The following TLL2 variants were observed in gnomAD, a reference collection of about 807,000 sequenced individuals.
TLL2 encodes the protein tolloid-like protein 2.
A neutral mutation model predicts 123.0 loss-of-function variants in TLL2; 106 were observed. That is an observed-to-expected ratio of 0.86 (90% CI 0.74 to 1.01). TLL2 has a LOEUF of 1.01. Among genes scored for constraint, TLL2 ranks in the 50% least tolerant of loss-of-function variants. The probability of loss-of-function intolerance (pLI) is 0.00; values close to 1 mark genes in which losing one functional copy is unlikely to be tolerated. For synonymous variants in TLL2, 494 were observed against 516.8 expected (o/e 0.96, Z 0.60); for missense variants, 1,332 against 1,336.7 (o/e 1.00, Z 0.06).
chr10:96,370,453 G>T, intron 19 of TLL2, 138 bp from the exon 20 acceptor site: 1 of 1,262,154 alleles, frequency 7.9e-7, no homozygotes, highest in South Asian at 1.9e-5. Flanking sequence ...CCCATTTGAT[G>T]GAGGAGTACA....
intron 10 of TLL2, among the ~76,000 whole-genome samples, chr10:96,398,723 G>A (rs543184888): frequency 4.6e-4 from 70 of 152,104 alleles, no homozygotes; most frequent in Middle Eastern, 3.4e-3. Flanking sequence ...GGCCAGCCAC[G>A]GTCTATTTGG....
At chr10:96,373,898 G>A (rs79016397) in intron 18 of TLL2, 89 bp from the exon 19 acceptor site, 12 of 1,202,784 alleles carry the variant, frequency 1.0e-5, no homozygotes, top group Admixed American at 1.9e-5. Context: ...AGGAAGGGGC[G>A]AGGCAGTGCA....
chr10:96,446,780 T>C (rs974524300), intron 2 of TLL2, among the ~76,000 whole-genome samples: 2 of 152,246 alleles, frequency 1.3e-5, no homozygotes, highest in African/African-American at 4.8e-5. Context: ...CCATCATTTA[T>C]AAACTGTGTT....
intron 18 of TLL2, 122 bp from the exon 19 acceptor site, chr10:96,373,931 C>T: frequency 2.5e-6 from 2 of 804,466 alleles, no homozygotes; most frequent in Non-Finnish European, 4.0e-6. Context: ...GCTGGCTGTG[C>T]AGGGGGTGTG....
intron 1 of TLL2, among the ~76,000 whole-genome samples, chr10:96,485,593 C>A (rs1589434406): frequency 6.6e-6 from 1 of 152,284 alleles, no homozygotes; most frequent in South Asian, 2.1e-4. Flanking sequence ...AATGAAGTAC[C>A]ACTTCACAGC....
chr10:96,480,045 C>T (rs1847296421), intron 2 of TLL2, among the ~76,000 whole-genome samples: 2 of 152,196 alleles, frequency 1.3e-5, no homozygotes, highest in Admixed American at 1.3e-4. Flanking sequence ...TTACATTTCA[C>T]TTGACTCTCC....
At chr10:96,459,614 CAACCAAAAT>C (rs1847053096) in intron 2 of TLL2, among the ~76,000 whole-genome samples, 1 of 128,076 alleles carries the variant, frequency 7.8e-6, no homozygotes, top group South Asian at 2.7e-4. Flanking sequence ...AGGTTGCAGT[CAACCAAAAT>C]TGTGCCACTG....
Position 96,379,087 on chromosome 10 carries a change from C to A in TLL2, c.2200G>T (p.Asp734Tyr), listed in dbSNP as rs147407004. Residue 734 changes from aspartate to tyrosine, a missense_variant, in exon 17 of 21, where the codon GAC (aspartate) becomes TAC (tyrosine). Physicochemically the swap from Asp to Tyr is radical, Grantham distance 160. Coordinates refer to ENST00000357947, the MANE Select transcript of TLL2 (RefSeq NM_012465.4). ...GFRAHFFSDK[D>Y]ECAKDNGGCQ... ...CCGCCGTTGTCCTTGGCACACTCGT[C>A]CTTATCTGGGGAGATCAATGAACTC... The A allele has an allele frequency of 2.5e-6, 4 of 1,613,974 alleles. No homozygotes were observed. Among genetic ancestry groups the A allele is most frequent in the Non-Finnish European group, 3.4e-6 (4 of 1,179,964 alleles).
intron 2 of TLL2, among the ~76,000 whole-genome samples, chr10:96,479,964 CCACT>C (rs1847295438): frequency 6.6e-6 from 1 of 152,232 alleles, no homozygotes; most frequent in South Asian, 2.1e-4. Context: ...GCAGGCTTCT[CCACT>C]CACTCTCTGT....
chr10:96,395,828 A>G, intron 12 of TLL2, 47 bp downstream of exon 12: 3 of 1,606,984 alleles, frequency 1.9e-6, no homozygotes, highest in South Asian at 2.2e-5. Flanking sequence ...GAGGATGTCT[A>G]GCAAAAGTTG....
chr10:96,462,580 T>G (rs1847091851), intron 2 of TLL2, among the ~76,000 whole-genome samples: 1 of 152,184 alleles, frequency 6.6e-6, no homozygotes, highest in Admixed American at 6.5e-5. Flanking sequence ...CTGCACAACA[T>G]GTAGTGCTCT....
At chr10:96,477,822 T>C (rs1847274450) in intron 2 of TLL2, among the ~76,000 whole-genome samples, 1 of 152,166 alleles carries the variant, frequency 6.6e-6, no homozygotes, top group African/African-American at 2.4e-5. Flanking sequence ...CTGCTGAGGC[T>C]CTGGATCTCT....
In TLL2 at chr10:96,450,911, G is replaced by A. The variant is rs145977486; in HGVS notation, c.287-4743C>T. On this transcript the variant is annotated intron_variant, in intron 2 of 20. Coordinates refer to ENST00000357947, the MANE Select transcript of TLL2 (RefSeq NM_012465.4). ...TGATCTTTGCTTAATTACCTCTTCG[G>A]TGAGAGGATATGCAAAGACCTTGTA... Among the ~76,000 whole-genome samples, 1,163 of 152,278 alleles carry A rather than the reference G, an allele frequency of 7.6e-3. 3 individuals are homozygous for A. Among genetic ancestry groups the A allele is most frequent in the Admixed American group, 0.01 (158 of 15,300 alleles).
At chr10:96,474,886 C>T (rs943018033) in intron 2 of TLL2, among the ~76,000 whole-genome samples, 4 of 152,122 alleles carry the variant, frequency 2.6e-5, no homozygotes, top group African/African-American at 9.7e-5. Flanking sequence ...CCTGGCAACC[C>T]TGGTGTTCTT....
At chr10:96,395,120 G>A in intron 13 of TLL2, 67 bp downstream of exon 13, 5 of 1,489,014 alleles carry the variant, frequency 3.4e-6, no homozygotes, top group Non-Finnish European at 4.5e-6. Context: ...GGTTTTGTGT[G>A]TCTTAGGCCA....
chr10:96,475,556 T>A (rs1847230507), intron 2 of TLL2, among the ~76,000 whole-genome samples: 1 of 152,332 alleles, frequency 6.6e-6, no homozygotes, highest in South Asian at 2.1e-4. Flanking sequence ...TGAGGCTGAC[T>A]GGGTCACCTC....
At chr10:96,461,083 A>C (rs2134094535) in intron 2 of TLL2, among the ~76,000 whole-genome samples, 1 of 152,364 alleles carries the variant, frequency 6.6e-6, no homozygotes, top group East Asian at 1.9e-4. Context: ...TGAGAAATGA[A>C]GATAAAAGCA....
chr10:96,420,591 G>T (rs977507683), intron 7 of TLL2, among the ~76,000 whole-genome samples: 1 of 152,142 alleles, frequency 6.6e-6, no homozygotes, highest in African/African-American at 2.4e-5. Context: ...CCAAACCTCT[G>T]CTAGGAGAAT....
chr10:96,398,531 T>A (rs1008146483), intron 10 of TLL2, among the ~76,000 whole-genome samples: 1 of 152,188 alleles, frequency 6.6e-6, no homozygotes, highest in African/African-American at 2.4e-5. Flanking sequence ...AGAAAAAAAA[T>A]TAATACATTT....
Sources: gnomAD v4.1 joint callset for allele counts (sites outside exome capture counted in the v4.1 genomes callset) on GRCh38, gnomAD v4.1.1 for gene constraint, MANE v1.5 for transcripts, NCBI Gene and HGNC (gene_info 2026-07-23, HGNC 2026-07-21) for gene names.